The following MAP1B variants were observed in gnomAD, a reference collection of about 807,000 sequenced individuals.
The protein encoded by MAP1B is microtubule-associated protein 1B.
MAP1B carries 12 observed loss-of-function variants against 176.1 expected under a neutral mutation model. The observed-to-expected ratio is 0.07, with a 90% CI of 0.04 to 0.11. The LOEUF is 0.11. Among genes scored for constraint, MAP1B ranks in the 10% least tolerant of loss-of-function variants. The pLI is 1.00. For synonymous variants in MAP1B, 1,044 were observed against 1,135.0 expected (o/e 0.92, Z 1.61); for missense variants, 2,523 against 2,990.5 (o/e 0.84, Z 3.65).
At chr5:72,149,518 G>T (rs1746103774) in intron 2 of MAP1B, among the ~76,000 whole-genome samples, 1 of 152,224 alleles carries the variant, frequency 6.6e-6, no homozygotes, top group Non-Finnish European at 1.5e-5. Flanking sequence ...TTATTGAAAA[G>T]ATCACTAGCT....
chr5:72,113,125 C>A (rs1019893728), intron 1 of MAP1B, among the ~76,000 whole-genome samples: 19 of 152,306 alleles, frequency 1.2e-4, no homozygotes, highest in African/African-American at 3.6e-4. Context: ...TACTCTTTGC[C>A]TTTACCAATA....
At position 72,198,989 on chromosome 5, in the gene MAP1B, A is replaced by C. The variant is rs1476675350; in HGVS notation, c.5634A>C (p.Thr1878=). 1 of 1,614,196 alleles carries C rather than the reference A, an allele frequency of 6.2e-7. No homozygotes were observed. The highest frequency in any genetic ancestry group is 8.5e-7 in the Non-Finnish European group (1 of 1,180,032). The change falls in exon 5 of 7, where the codon ACA becomes ACC. Residue 1878 remains threonine, a synonymous_variant. Transcript: ENST00000296755. ...FSYAYQKPEE[T]TRSPDEEDYD... ...ATGCCTATCAAAAGCCTGAGGAAAC[A>C]ACCAGGTCCCCAGATGAAGAAGATT...
intron 2 of MAP1B, among the ~76,000 whole-genome samples, chr5:72,122,857 T>C (rs2112130458): frequency 6.6e-6 from 1 of 152,280 alleles, no homozygotes; most frequent in South Asian, 2.1e-4. Flanking sequence ...CGACAGCTGC[T>C]AACCAAGGAC....
chr5:72,120,608 A>G (rs1745510582), intron 2 of MAP1B, among the ~76,000 whole-genome samples: 1 of 151,440 alleles, frequency 6.6e-6, no homozygotes, highest in Admixed American at 6.6e-5. Flanking sequence ...TTGTATTTTT[A>G]GTAGAGACGG....
chr5:72,146,840 A>G (rs1228328997), intron 2 of MAP1B, among the ~76,000 whole-genome samples: 1 of 152,216 alleles, frequency 6.6e-6, no homozygotes, highest in Non-Finnish European at 1.5e-5. Context: ...CTTTTGACAC[A>G]TAGCATCAGC....
rs1745553223 is a variant in MAP1B at position 72,122,736 on chromosome 5, AG to A, written c.286+6938del. Reference sequence around the variant, plus strand: ...CCTAATGGGCACTGTGGAACCACTCAGCATAGACAGGCATAGGCAGGAAGGT... The same window carrying A: ...CCTAATGGGCACTGTGGAACCACTCACATAGACAGGCATAGGCAGGAAGGT... On this transcript the variant is annotated intron_variant, in intron 2 of 6. Coordinates refer to ENST00000296755, the MANE Select transcript of MAP1B (RefSeq NM_005909.5). Among the ~76,000 whole-genome samples, 3 of 151,602 alleles carry A rather than the reference AG, an allele frequency of 2.0e-5. 1 individual carries two copies. In the South Asian group the frequency reaches 6.3e-4, roughly 32 times the overall value.
Position 72,195,502 on chromosome 5 carries a change from A to G in MAP1B, c.2147A>G (p.Glu716Gly). The G allele has an allele frequency of 6.3e-7, 1 of 1,587,766 alleles. No homozygotes were observed. Among genetic ancestry groups the G allele is most frequent in the Non-Finnish European group, 8.5e-7 (1 of 1,173,522 alleles). Residue 716 changes from glutamate to glycine, a missense_variant, in exon 5 of 7, where the codon GAA becomes GGA. Physicochemically the swap from Glu to Gly is moderately conservative, Grantham distance 98. Transcript: ENST00000296755. ...PKEVKKEVKK[E>G]EKKEVKKEEK... ...GAAGTCAAGAAGGAAGTTAAGAAGG[A>G]AGAGAAGAAGGAAGTGAAAAAGGAA... is the stretch of plus-strand genomic sequence containing the variant.
At chr5:72,110,432 C>A (rs1302218728) in intron 1 of MAP1B, among the ~76,000 whole-genome samples, 1 of 152,224 alleles carries the variant, frequency 6.6e-6, no homozygotes, top group Non-Finnish European at 1.5e-5. Flanking sequence ...GCTCAAGATG[C>A]AGGCCCTTCC....
chr5:72,176,160 G>A (rs375157807), intron 2 of MAP1B, among the ~76,000 whole-genome samples: 2 of 152,238 alleles, frequency 1.3e-5, no homozygotes, highest in Non-Finnish European at 2.9e-5. Context: ...CCCTCAGGGC[G>A]TGTGTGGGAG....
chr5:72,121,229 C>T (rs1455185146), intron 2 of MAP1B, among the ~76,000 whole-genome samples: 1 of 152,244 alleles, frequency 6.6e-6, no homozygotes, highest in Non-Finnish European at 1.5e-5. Context: ...TCCATGGTCA[C>T]TCCCTCCACG....
intron 5 of MAP1B, 91 bp downstream of exon 5, chr5:72,200,458 G>A (rs1242881961): frequency 6.9e-7 from 1 of 1,453,374 alleles, no homozygotes; most frequent in East Asian, 2.3e-5. Flanking sequence ...CTTTGTACTG[G>A]GAAGATGAGG....
intron 2 of MAP1B, among the ~76,000 whole-genome samples, chr5:72,133,578 G>T (rs2112144710): frequency 6.6e-6 from 1 of 152,328 alleles, no homozygotes; most frequent in South Asian, 2.1e-4. Context: ...CTGTGCCTCA[G>T]TTTCCTTATC....
chr5:72,178,195 G>A (rs902126140), intron 2 of MAP1B, among the ~76,000 whole-genome samples: 12 of 152,114 alleles, frequency 7.9e-5, no homozygotes, highest in Middle Eastern at 3.4e-3. Flanking sequence ...TAGAGACAGC[G>A]TTTCACCATG....
At chr5:72,123,139 G>A (rs1745561933) in intron 2 of MAP1B, among the ~76,000 whole-genome samples, 1 of 152,146 alleles carries the variant, frequency 6.6e-6, no homozygotes, top group Admixed American at 6.5e-5. Flanking sequence ...AAAGTGCCAA[G>A]TAATGTTTTT....
At chr5:72,158,310 T>TC (rs1287993242) in intron 2 of MAP1B, among the ~76,000 whole-genome samples, 1 of 151,956 alleles carries the variant, frequency 6.6e-6, no homozygotes, top group African/African-American at 2.4e-5. Context: ...GCCTGGCCTA[T>TC]CCCCCGATTC....
chr5:72,182,297 A>G (rs937196598), intron 2 of MAP1B, among the ~76,000 whole-genome samples: 13 of 152,096 alleles, frequency 8.5e-5, no homozygotes, highest in African/African-American at 2.7e-4. Flanking sequence ...AAAGTTGCCT[A>G]TTCTAGAGAT....
chr5:72,126,419 T>C (rs1745631423), intron 2 of MAP1B, among the ~76,000 whole-genome samples: 1 of 152,234 alleles, frequency 6.6e-6, no homozygotes, highest in African/African-American at 2.4e-5. Flanking sequence ...ACATACTCCA[T>C]CTAATTTTTT....
chr5:72,200,623 C>T (rs1241507424), intron 5 of MAP1B, among the ~76,000 whole-genome samples: 4 of 152,090 alleles, frequency 2.6e-5, no homozygotes, highest in Non-Finnish European at 4.4e-5. Context: ...GTGCCGTTTT[C>T]GAACACAGCA....
intron 2 of MAP1B, among the ~76,000 whole-genome samples, chr5:72,127,352 C>A (rs1192388209): frequency 6.6e-6 from 1 of 152,162 alleles, no homozygotes; most frequent in Non-Finnish European, 1.5e-5. Flanking sequence ...TAATCATTAT[C>A]AGAAAGTCAT....
Sources: gnomAD v4.1 joint callset for allele counts (sites outside exome capture counted in the v4.1 genomes callset) on GRCh38, gnomAD v4.1.1 for gene constraint, MANE v1.5 for transcripts, NCBI Gene and HGNC (gene_info 2026-07-23, HGNC 2026-07-21) for gene names.